F8: variants seen among roughly 807,000 people sequenced by gnomAD.
F8 encodes the protein coagulation factor VIII.
Under a neutral mutation model 140.6 loss-of-function variants are expected in F8, and 12 were observed. That is an observed-to-expected ratio of 0.09 (90% CI 0.05 to 0.14). The LOEUF (loss-of-function observed/expected upper bound fraction) is 0.14, where lower values mean the gene tolerates loss of function less well. Among genes scored for constraint, F8 ranks in the 10% least tolerant of loss-of-function variants. The probability of loss-of-function intolerance (pLI) is 1.00; values close to 1 mark genes in which losing one functional copy is unlikely to be tolerated. For synonymous variants in F8, 585 were observed against 614.6 expected (o/e 0.95, Z 0.71); for missense variants, 1,354 against 1,720.7 (o/e 0.79, Z 3.77).
intron 9 of F8, among the ~76,000 whole-genome samples, chrX:154,964,220 T>C (rs1324969152): frequency 2.7e-5 from 3 of 111,732 alleles, no homozygotes; most frequent in African/African-American, 9.8e-5. Context: ...TACATTTTAT[T>C]GCATGCTCTT....
At chrX:154,945,967 A>T (rs2073301595) in intron 13 of F8, among the ~76,000 whole-genome samples, 1 of 111,993 alleles carries the variant, frequency 8.9e-6, no homozygotes, top group Non-Finnish European at 1.9e-5. Context: ...CTAAAAAGAA[A>T]TTTTTTAAAA....
At chrX:154,910,409 C>CGG (rs1476104958) in intron 14 of F8, among the ~76,000 whole-genome samples, 2 of 91,554 alleles carry the variant, frequency 2.2e-5, no homozygotes, top group Non-Finnish European at 4.3e-5. Context: ...CATCACACAC[C>CGG]GGGGCCTGTC....
At chrX:155,019,926 G>A (rs1489919972) in intron 1 of F8, among the ~76,000 whole-genome samples, 1 of 112,063 alleles carries the variant, frequency 8.9e-6, no homozygotes, top group African/African-American at 3.2e-5. Flanking sequence ...AGAGATAAAT[G>A]TAATAAGAAA....
chrX:154,973,511 C>A (rs2073469219), intron 6 of F8, among the ~76,000 whole-genome samples: 1 of 112,110 alleles, frequency 8.9e-6, no homozygotes, highest in African/African-American at 3.2e-5. Flanking sequence ...TATTCAATTT[C>A]TTTCATCAAT....
intron 18 of F8, among the ~76,000 whole-genome samples, chrX:154,902,521 A>G (rs368615742): frequency 1.8e-5 from 2 of 112,051 alleles, no homozygotes; most frequent in South Asian, 3.8e-4. Context: ...CAGATAAGTC[A>G]GGGTGAGTTC....
intron 14 of F8, among the ~76,000 whole-genome samples, chrX:154,914,626 C>T (rs1418891067): frequency 8.9e-6 from 1 of 112,132 alleles, no homozygotes; most frequent in African/African-American, 3.2e-5. Context: ...TATTCCTATT[C>T]CTAACAAGTT....
intron 6 of F8, among the ~76,000 whole-genome samples, chrX:154,972,703 C>CTTTTTTTTTTTTTTTTTTTTTTTTT (rs1557282690): frequency 1.5e-5 from 1 of 64,690 alleles, no homozygotes; most frequent in African/African-American, 6.9e-5. Flanking sequence ...TTCTTTCTGT[C>CTTTTTTTTTTTTTTTTTTTTTTTTT]TTTCTTTTTT....
intron 12 of F8, among the ~76,000 whole-genome samples, chrX:154,951,634 T>A (rs782253804): frequency 1.8e-5 from 2 of 111,688 alleles, no homozygotes; most frequent in Non-Finnish European, 3.8e-5. Context: ...TCAATTTTAC[T>A]GCTAATGGAA....
intron 1 of F8, among the ~76,000 whole-genome samples, chrX:155,014,443 GA>G (rs1302336861): frequency 1.2e-4 from 13 of 106,590 alleles, no homozygotes; most frequent in African/African-American, 3.7e-4. Flanking sequence ...AGTAAGGCAT[GA>G]AAAAAAAAAT....
chrX:154,960,603 G>C (rs1446296618), intron 10 of F8, among the ~76,000 whole-genome samples: 7 of 110,059 alleles, frequency 6.4e-5, no homozygotes, highest in African/African-American at 2.3e-4. Context: ...GAGAGAGAGA[G>C]AGAGAGAGAG....
chrX:154,988,176 A>G lies in F8; in HGVS notation c.602-871T>C, dbSNP rs782813942. 2.7e-5 allele frequency among the ~76,000 whole-genome samples: 3 copies of G among 112,178 alleles called. No individual in the cohort carries two copies. The South Asian group carries it at 1.1e-3, about 41-fold the overall frequency. ...TGATTATCTCTTGCTTTCTTACTCA[A>G]TTGAGTTGTTTGTTCTCTGAATTCA... On this transcript the variant is annotated intron_variant, in intron 4 of 25. Transcript: ENST00000360256.
In F8 at chrX:154,919,484, C is replaced by T. The variant is rs1237328728; in HGVS notation, c.5219+9087G>A. 7 of 279,493 alleles carry T rather than the reference C, an allele frequency of 2.5e-5. No individual in the cohort carries two copies. In the South Asian group the frequency reaches 6.2e-4, roughly 25 times the overall value. 23.0% of individuals were successfully genotyped at this position (279,493 alleles called of 1,213,427 possible). The stretch of plus-strand genomic sequence containing the variant: ...CAAGTGAAGTAGCAGCAAAAGTGTC[C>T]ATCATACAATCTGGCTTTCCCTGGT... On this transcript the variant is annotated intron_variant, in intron 14 of 25. Transcript: ENST00000360256.
At chrX:154,949,129 C>T (rs2073323852) in intron 12 of F8, among the ~76,000 whole-genome samples, 1 of 111,991 alleles carries the variant, frequency 8.9e-6, no homozygotes, top group South Asian at 3.7e-4. Context: ...AAGTAAAGTC[C>T]TTTTAAATTA....
intron 22 of F8, among the ~76,000 whole-genome samples, chrX:154,889,762 AAAC>A (rs1363820215): frequency 1.7e-5 from 1 of 60,299 alleles, no homozygotes; most frequent in Admixed American, 1.9e-4. Flanking sequence ...TTTAACTTGA[AAAC>A]AATTCCAAAT....
intron 13 of F8, among the ~76,000 whole-genome samples, chrX:154,937,331 C>T (rs782471387): frequency 1.5e-4 from 17 of 109,773 alleles, no homozygotes; most frequent in Non-Finnish European, 3.0e-4. Context: ...AAATTTGATC[C>T]TATGGTAGGA....
chrX:154,966,612 G>A lies in F8; in HGVS notation c.1085C>T (p.Ala362Val), dbSNP rs1557282051. 1.7e-5 allele frequency: 20 copies of A among 1,208,703 alleles called. No homozygotes were observed. The South Asian group carries it at 1.9e-4, about 12-fold the overall frequency. The change falls in exon 8 of 26, where the codon GCG (alanine) becomes GTG (valine). Residue 362 changes from alanine (A) to valine (V), a missense_variant. Ala to Val is a moderately conservative substitution (Grantham distance 64, BLOSUM62 0). This residue lies in a region of F8 where 252 missense variants were observed against 338.5 expected (regional missense o/e 0.74). Coordinates refer to ENST00000360256, the MANE Select transcript of F8 (RefSeq NM_000132.4). Reference protein sequence around the residue: ...PQLRMKNNEEAEDYDDDLTDS... With the variant: ...PQLRMKNNEEVEDYDDDLTDS... The stretch of plus-strand genomic sequence containing the variant: ...AGTAAGATCATCATCATAGTCTTCC[G>A]CTTCTTCATTATTTTTCATTCGTAG...
intron 1 of F8, among the ~76,000 whole-genome samples, chrX:155,020,947 C>G (rs782420173): frequency 8.9e-6 from 1 of 111,921 alleles, no homozygotes; most frequent in South Asian, 3.7e-4. Context: ...GAAACATTCC[C>G]TTCGTTCCAT....
At chrX:154,950,592 G>T (rs184465338) in intron 12 of F8, among the ~76,000 whole-genome samples, 66 of 111,538 alleles carry the variant, frequency 5.9e-4, no homozygotes, top group African/African-American at 2.1e-3. Context: ...ATATTATGAT[G>T]TACATCACAA....
intron 25 of F8, among the ~76,000 whole-genome samples, chrX:154,859,324 A>T (rs1274431648): frequency 8.5e-5 from 8 of 94,331 alleles, no homozygotes; most frequent in Non-Finnish European, 1.7e-4. Context: ...TTTTTTTGAG[A>T]TGGAGTCTCA....
Sources: allele counts gnomAD v4.1 joint callset (sites outside exome capture counted in the v4.1 genomes callset), GRCh38; gene constraint gnomAD v4.1.1; regional missense constraint gnomAD v4.1.1; transcripts MANE v1.5; gene names NCBI Gene and HGNC (gene_info 2026-07-23, HGNC 2026-07-21).